The following ASIC2 variants were observed in gnomAD, a reference collection of about 807,000 sequenced individuals.
ASIC2 encodes acid sensing ion channel subunit 2, also known as acid-sensing ion channel 2.
In ASIC2, 25 loss-of-function variants were observed where a neutral mutation model predicts 57.3. The ratio of observed to expected loss-of-function variants is 0.44; its 90% CI spans 0.32 to 0.61. The LOEUF is 0.61. Ranked by LOEUF, ASIC2 falls within the 20% of genes least tolerant of loss-of-function variation. The probability of loss-of-function intolerance (pLI) is 0.06; values close to 1 mark genes in which losing one functional copy is unlikely to be tolerated. For missense variants in ASIC2, 641 were observed against 738.1 expected, an observed-to-expected ratio of 0.87 and a Z score of 1.52; for synonymous variants, 319 against 307.5, an observed-to-expected ratio of 1.04 and a Z score of -0.39.
intron 1 of ASIC2, among the ~76,000 whole-genome samples, chr17:33,865,347 T>C (rs149048194): frequency 3.3e-5 from 5 of 152,328 alleles, no homozygotes; most frequent in African/African-American, 1.2e-4. Flanking sequence ...TCCTTCCTTT[T>C]TCACAAGAGA....
At chr17:33,063,264 C>T (rs977680248) in intron 3 of ASIC2, among the ~76,000 whole-genome samples, 3 of 152,190 alleles carry the variant, frequency 2.0e-5, no homozygotes, top group African/African-American at 7.2e-5. Context: ...CATCGATGGT[C>T]TTTACAATTT....
At chr17:33,844,326 A>G (rs1913521222) in intron 1 of ASIC2, among the ~76,000 whole-genome samples, 1 of 152,200 alleles carries the variant, frequency 6.6e-6, no homozygotes, top group Non-Finnish European at 1.5e-5. Context: ...AAAAAGCCCA[A>G]ATTAAGGGTT....
At position 33,455,857 on chromosome 17, in the gene ASIC2, G is replaced by A. The variant is rs115394718; in HGVS notation, c.556-343790C>T. 7.1e-3 allele frequency among the ~76,000 whole-genome samples: 1,083 copies of A among 152,318 alleles called. 14 individuals carry two copies. Among genetic ancestry groups the A allele is most frequent in the African/African-American group, 0.025 (1,033 of 41,562 alleles). On this transcript the variant is annotated intron_variant, in intron 1 of 9. Coordinates refer to the ASIC2 transcript ENST00000359872. ...TGCATATAATTGCTTAGAACTATGC[G>A]AATCAAAGACTTTGCACAGTTCCTT...
chr17:33,981,703 G>A (rs185843291), intron 1 of ASIC2, among the ~76,000 whole-genome samples: 3 of 147,572 alleles, frequency 2.0e-5, no homozygotes, highest in Non-Finnish European at 4.5e-5. Flanking sequence ...AGGGAGGGGG[G>A]GAAGATTAGC....
intron 1 of ASIC2, among the ~76,000 whole-genome samples, chr17:34,155,010 C>A (rs1017799825): frequency 6.6e-6 from 1 of 152,108 alleles, no homozygotes; most frequent in South Asian, 2.1e-4. Context: ...CCTCTCTGCC[C>A]CTCCAGTAAG....
chr17:34,086,985 C>T (rs983261529), intron 1 of ASIC2, among the ~76,000 whole-genome samples: 1 of 152,156 alleles, frequency 6.6e-6, no homozygotes, highest in Non-Finnish European at 1.5e-5. Flanking sequence ...GGTCTTGACT[C>T]TTTATCCAAT....
intron 1 of ASIC2, among the ~76,000 whole-genome samples, chr17:33,232,055 C>T (rs938129545): frequency 1.5e-4 from 23 of 152,162 alleles, no homozygotes; most frequent in Admixed American, 5.9e-4. Context: ...TGAATGTTTG[C>T]CTCTTCCCCT....
chr17:33,996,655 T>A (rs953935538), intron 1 of ASIC2, among the ~76,000 whole-genome samples: 1 of 152,206 alleles, frequency 6.6e-6, no homozygotes, highest in African/African-American at 2.4e-5. Context: ...CTGACAAAAA[T>A]TAATTGATAA....
chr17:34,133,724 T>C (rs1442508029), intron 1 of ASIC2, among the ~76,000 whole-genome samples: 4 of 152,220 alleles, frequency 2.6e-5, no homozygotes, highest in Non-Finnish European at 5.9e-5. Context: ...TGATTTCTCC[T>C]GCAAATCACA....
At chr17:33,609,269 A>G (rs1905317722) in intron 1 of ASIC2, among the ~76,000 whole-genome samples, 2 of 152,128 alleles carry the variant, frequency 1.3e-5, no homozygotes, top group South Asian at 4.2e-4. Context: ...TGCTTAAGAG[A>G]CACTGACGGC....
chr17:33,671,923 T>C (rs2142051710), intron 1 of ASIC2, among the ~76,000 whole-genome samples: 1 of 152,344 alleles, frequency 6.6e-6, no homozygotes, highest in South Asian at 2.1e-4. Context: ...CTTTCTGTGA[T>C]CATTACCTGT....
intron 1 of ASIC2, among the ~76,000 whole-genome samples, chr17:33,712,057 G>A (rs1053078736): frequency 8.5e-5 from 13 of 152,160 alleles, no homozygotes; most frequent in African/African-American, 3.1e-4. Flanking sequence ...AACAGTAGAT[G>A]GAGAAAGGAA....
chr17:33,720,229 A>G (rs1048380842), intron 1 of ASIC2, among the ~76,000 whole-genome samples: 5 of 152,190 alleles, frequency 3.3e-5, no homozygotes, highest in African/African-American at 1.2e-4. Context: ...TTGTATTGTT[A>G]ATGTTATTTA....
At chr17:33,760,928 G>A (rs892604114) in intron 1 of ASIC2, among the ~76,000 whole-genome samples, 3 of 152,118 alleles carry the variant, frequency 2.0e-5, no homozygotes, top group African/African-American at 7.2e-5. Flanking sequence ...ACCTAAACAA[G>A]AGGCGCTTCC....
chr17:33,308,722 C>G (rs1037563052), intron 1 of ASIC2, among the ~76,000 whole-genome samples: 4 of 152,128 alleles, frequency 2.6e-5, no homozygotes, highest in African/African-American at 9.7e-5. Context: ...ATGACACACA[C>G]AAAACATTGG....
intron 1 of ASIC2, among the ~76,000 whole-genome samples, chr17:33,299,317 G>A (rs547958833): frequency 6.6e-6 from 1 of 152,192 alleles, no homozygotes; most frequent in Non-Finnish European, 1.5e-5. Context: ...GGGCCCTAGA[G>A]GTGGCCAGTG....
At chr17:33,694,157 T>C (rs1460652359) in intron 1 of ASIC2, among the ~76,000 whole-genome samples, 1 of 152,200 alleles carries the variant, frequency 6.6e-6, no homozygotes, top group African/African-American at 2.4e-5. Flanking sequence ...CCTCAGGCTA[T>C]GGGTAATATT....
intron 1 of ASIC2, chr17:33,541,388 A>G (rs1311047624): frequency 6.6e-6 from 1 of 152,116 alleles, no homozygotes; most frequent in East Asian, 1.9e-4. Flanking sequence ...GAACAGAGTG[A>G]TTGAGTGGCT....
At chr17:33,112,435 A>G (rs2092262709) in intron 1 of ASIC2, among the ~76,000 whole-genome samples, 1 of 152,034 alleles carries the variant, frequency 6.6e-6, no homozygotes, top group Non-Finnish European at 1.5e-5. Context: ...CTCCAGACAC[A>G]CTAGTTTCAC....
Sources: allele counts gnomAD v4.1 joint callset (sites outside exome capture counted in the v4.1 genomes callset), GRCh38; gene constraint gnomAD v4.1.1; transcripts MANE v1.5; gene names NCBI Gene and HGNC (gene_info 2026-07-23, HGNC 2026-07-21).